ZBTB7C: variants seen among roughly 807,000 people sequenced by gnomAD.
ZBTB7C encodes the protein zinc finger and BTB domain containing 7C.
In ZBTB7C, 8 loss-of-function variants were observed where a neutral mutation model predicts 25.7. The observed-to-expected ratio is 0.31, with a 90% CI of 0.18 to 0.56. The LOEUF is 0.56. Among genes scored for constraint, ZBTB7C ranks in the 20% least tolerant of loss-of-function variants. The pLI is 0.91. For synonymous variants in ZBTB7C, 394 were observed against 369.0 expected, an observed-to-expected ratio of 1.07 and a Z score of -0.78; for missense variants, 824 against 855.2, an observed-to-expected ratio of 0.96 and a Z score of 0.46.
intron 2 of ZBTB7C, among the ~76,000 whole-genome samples, chr18:48,186,678 G>T (rs1255277595): frequency 6.6e-6 from 1 of 152,176 alleles, no homozygotes; most frequent in East Asian, 1.9e-4. Context: ...GTGTTGCAAT[G>T]TGAGTCTGGG....
chr18:48,083,904 G>A (rs2038084737), intron 3 of ZBTB7C: 1 of 985,294 alleles, frequency 1.0e-6, no homozygotes, highest in African/African-American at 1.7e-5. Context: ...GGACCCATTT[G>A]GTGAACTTCC....
At chr18:48,108,384 G>T (rs1273923337) in intron 3 of ZBTB7C, among the ~76,000 whole-genome samples, 1 of 152,144 alleles carries the variant, frequency 6.6e-6, no homozygotes, top group East Asian at 1.9e-4. Context: ...ACTCCAGAGG[G>T]CTCAGAACCA....
At chr18:48,325,234 T>C (rs2046191632) in intron 2 of ZBTB7C, among the ~76,000 whole-genome samples, 1 of 152,186 alleles carries the variant, frequency 6.6e-6, no homozygotes, top group Non-Finnish European at 1.5e-5. Flanking sequence ...AAGGCACACA[T>C]GCAGCAGGAA....
chr18:48,284,809 AAAC>A (rs1254382757), intron 2 of ZBTB7C, among the ~76,000 whole-genome samples: 27 of 123,666 alleles, frequency 2.2e-4, no homozygotes, highest in African/African-American at 8.1e-4. Context: ...AAAAAAAAAA[AAAC>A]AGAGAGAGAG....
chr18:48,092,371 C>T (rs1167092288), intron 3 of ZBTB7C, among the ~76,000 whole-genome samples: 2 of 152,170 alleles, frequency 1.3e-5, no homozygotes, highest in Non-Finnish European at 2.9e-5. Context: ...CCTGTTTATG[C>T]CAGTTGTACT....
chr18:48,233,612 A>T (rs2043309116), intron 2 of ZBTB7C, among the ~76,000 whole-genome samples: 1 of 152,194 alleles, frequency 6.6e-6, no homozygotes, highest in Non-Finnish European at 1.5e-5. Flanking sequence ...AGTTAAGGAC[A>T]CTTGTGAAAC....
chr18:48,251,041 T>C (rs559258359), intron 2 of ZBTB7C, among the ~76,000 whole-genome samples: 6 of 152,142 alleles, frequency 3.9e-5, no homozygotes, highest in South Asian at 4.2e-4. Flanking sequence ...CTAAGCAACA[T>C]AGCAAGACCT....
At chr18:48,112,265 T>C (rs1048405570) in intron 3 of ZBTB7C, among the ~76,000 whole-genome samples, 139 of 149,530 alleles carry the variant, frequency 9.3e-4, no homozygotes, top group African/African-American at 3.3e-3. Context: ...TTTTTCTTTT[T>C]TTTTTTTTTT....
intron 3 of ZBTB7C, among the ~76,000 whole-genome samples, chr18:48,183,165 A>G (rs1171390730): frequency 6.6e-6 from 1 of 152,146 alleles, no homozygotes; most frequent in African/African-American, 2.4e-5. Context: ...TCCCTCTCCA[A>G]AGAAAAGGCC....
At chr18:48,232,774 G>C (rs2043287170) in intron 2 of ZBTB7C, among the ~76,000 whole-genome samples, 1 of 152,118 alleles carries the variant, frequency 6.6e-6, no homozygotes. Context: ...CTGCTCATAA[G>C]CCAGTTATTA....
At chr18:48,078,150 C>T (rs773389021) in intron 3 of ZBTB7C, among the ~76,000 whole-genome samples, 3 of 152,162 alleles carry the variant, frequency 2.0e-5, no homozygotes, top group South Asian at 2.1e-4. Flanking sequence ...TGGCTTATCT[C>T]GCATGATTCC....
intron 2 of ZBTB7C, among the ~76,000 whole-genome samples, chr18:48,274,175 C>T (rs1473035315): frequency 6.6e-6 from 1 of 152,090 alleles, no homozygotes; most frequent in Non-Finnish European, 1.5e-5. Flanking sequence ...TCTTTTAGGA[C>T]CCTTAATCTC....
chr18:48,270,243 TTC>T (rs1246733873), intron 2 of ZBTB7C, among the ~76,000 whole-genome samples: 1 of 150,278 alleles, frequency 6.7e-6, no homozygotes, highest in African/African-American at 2.4e-5. Flanking sequence ...CTAGTTCTTT[TTC>T]TCTCTTTCTT....
At position 48,154,830 on chromosome 18, in the gene ZBTB7C, T is replaced by C. The variant is rs192616122; in HGVS notation, c.-17+31104A>G. On this transcript the variant is annotated intron_variant, in intron 3 of 4. Coordinates refer to ENST00000590800, the MANE Select transcript of ZBTB7C (RefSeq NM_001318841.2). ...CTGGCATCTGTGTCCTCTGATTAAATGAGTCACACTCTGAGCTATATTGCC... is the reference window on the plus strand; with the variant it reads ...CTGGCATCTGTGTCCTCTGATTAAACGAGTCACACTCTGAGCTATATTGCC... Among the ~76,000 whole-genome samples the C allele has an allele frequency of 1.2e-4, 19 of 152,340 alleles. No homozygotes were observed. In the East Asian group the frequency reaches 3.3e-3, roughly 26 times the overall value.
chr18:48,036,045 A>T (rs1391904255), intron 4 of ZBTB7C, among the ~76,000 whole-genome samples: 1 of 152,208 alleles, frequency 6.6e-6, no homozygotes, highest in Admixed American at 6.5e-5. Flanking sequence ...CTATGGGGTG[A>T]CCAGAGCTAG....
At chr18:48,207,393 A>G (rs572528626) in intron 2 of ZBTB7C, among the ~76,000 whole-genome samples, 1 of 152,376 alleles carries the variant, frequency 6.6e-6, no homozygotes, top group Non-Finnish European at 1.5e-5. Context: ...AGATAGTCTC[A>G]ACCTAGAAAT....
chr18:48,205,090 T>C (rs891301523), intron 2 of ZBTB7C, among the ~76,000 whole-genome samples: 1 of 152,036 alleles, frequency 6.6e-6, no homozygotes, highest in Non-Finnish European at 1.5e-5. Flanking sequence ...TTCTTTCCCC[T>C]CTCTTCACTG....
intron 3 of ZBTB7C, among the ~76,000 whole-genome samples, chr18:48,087,989 G>A (rs1379096138): frequency 6.6e-6 from 1 of 151,936 alleles, no homozygotes; most frequent in Non-Finnish European, 1.5e-5. Flanking sequence ...AGCTTTATAT[G>A]AATACATAAG....
intron 2 of ZBTB7C, among the ~76,000 whole-genome samples, chr18:48,259,952 C>G (rs896424938): frequency 2.0e-5 from 3 of 152,210 alleles, no homozygotes; most frequent in Admixed American, 2.0e-4. Flanking sequence ...AGTAGTTTGG[C>G]AGTTTCTTAA....
Sources: gnomAD v4.1 joint callset for allele counts (sites outside exome capture counted in the v4.1 genomes callset) on GRCh38, gnomAD v4.1.1 for gene constraint, MANE v1.5 for transcripts, NCBI Gene and HGNC (gene_info 2026-07-23, HGNC 2026-07-21) for gene names.